CACNA2D2: variants seen among roughly 807,000 people sequenced by gnomAD.
CACNA2D2 encodes the protein voltage-dependent calcium channel subunit alpha-2/delta-2.
Under a neutral mutation model 166.4 loss-of-function variants are expected in CACNA2D2, and 48 were observed. That is an observed-to-expected ratio of 0.29 (90% CI 0.23 to 0.37). CACNA2D2 has a LOEUF of 0.37. Ranked by LOEUF, CACNA2D2 falls within the 10% of genes least tolerant of loss-of-function variation. The pLI is 1.00. For synonymous variants in CACNA2D2, 561 were observed against 573.7 expected (o/e 0.98, Z 0.32); for missense variants, 1,122 against 1,433.0 (o/e 0.78, Z 3.50).
chr3:50,493,390 C>T (rs996820813), intron 1 of CACNA2D2, among the ~76,000 whole-genome samples: 19 of 152,236 alleles, frequency 1.2e-4, no homozygotes, highest in African/African-American at 3.1e-4. Flanking sequence ...GCAAGGTTTC[C>T]TCCCCTCTTA....
Position 50,375,878 on chromosome 3 carries a change from G to A in CACNA2D2, c.1776C>T (p.Ile592=). The A allele has an allele frequency of 6.2e-7, 1 of 1,612,922 alleles. No homozygotes were observed. Among genetic ancestry groups the A allele is most frequent in the Non-Finnish European group, 8.5e-7 (1 of 1,179,952 alleles). ...AELEDENKEE[I]RRSMIDGNKG... ...TGTTGCCATCAATCATGCTCCGACGGATCTGGAAGGGCCAGAGATGTGAGG... is the reference window on the plus strand; with the variant it reads ...TGTTGCCATCAATCATGCTCCGACGAATCTGGAAGGGCCAGAGATGTGAGG... Residue 592 remains isoleucine (I), a splice_region_variant and synonymous_variant, in exon 20 of 38, where the codon ATC becomes ATT. Transcript: ENST00000424201. This position sits in a 1 kb window ranked among gnomAD's most constrained non-coding sequence, Gnocchi z 4.0.
Position 50,421,942 on chromosome 3 carries a change from T to C in CACNA2D2, c.405+12371A>G, listed in dbSNP as rs1249944338. ...TGTCGGCAGACATCTGAGGAAGGAA[T>C]ACGAGAGGCAGGCAGGAGGCACTGC... On this transcript the variant is annotated intron_variant, in intron 3 of 37. Transcript: ENST00000424201. Among the ~76,000 whole-genome samples the C allele has an allele frequency of 1.3e-3, 202 of 152,102 alleles. 3 individuals are homozygous for C. The highest frequency in any genetic ancestry group is 1.8e-4 in the Non-Finnish European group (12 of 67,964).
intron 3 of CACNA2D2, among the ~76,000 whole-genome samples, chr3:50,404,262 G>A (rs760950810): frequency 1.1e-4 from 16 of 152,164 alleles, no homozygotes; most frequent in Non-Finnish European, 1.8e-4. Context: ...TGTTCTCCAC[G>A]AAGAGGCATG....
chr3:50,391,677 G>T (rs1324735644), intron 4 of CACNA2D2, among the ~76,000 whole-genome samples: 1 of 152,246 alleles, frequency 6.6e-6, no homozygotes, highest in Non-Finnish European at 1.5e-5. Flanking sequence ...GCTGAGGTCA[G>T]TGGAGTTGTG....
At chr3:50,392,130 T>C (rs1705919198) in intron 4 of CACNA2D2, among the ~76,000 whole-genome samples, 1 of 152,076 alleles carries the variant, frequency 6.6e-6, no homozygotes, top group Admixed American at 6.5e-5. Context: ...TGAAGGTCAT[T>C]GGAAGGATGT....
intron 23 of CACNA2D2, among the ~76,000 whole-genome samples, chr3:50,369,582 C>T (rs1704540898): frequency 6.6e-6 from 1 of 152,226 alleles, no homozygotes; most frequent in South Asian, 2.1e-4. Context: ...TTCCAGTGCC[C>T]CTGGGTCTCT....
intron 13 of CACNA2D2, 138 bp downstream of exon 13, chr3:50,378,777 G>T: frequency 4.0e-6 from 4 of 997,482 alleles, no homozygotes; most frequent in Non-Finnish European, 4.6e-6. Context: ...GTGAGGGACA[G>T]CCTCGTGGAT....
At chr3:50,465,548 A>G (rs1709794046) in intron 2 of CACNA2D2, among the ~76,000 whole-genome samples, 1 of 152,196 alleles carries the variant, frequency 6.6e-6, no homozygotes, top group Admixed American at 6.5e-5. Context: ...AGATCCCATC[A>G]GTGTCCCAGG....
chr3:50,431,259 T>A (rs779910619), intron 3 of CACNA2D2, among the ~76,000 whole-genome samples: 12 of 151,808 alleles, frequency 7.9e-5, no homozygotes, highest in Non-Finnish European at 1.6e-4. Context: ...AAAAGCACAT[T>A]TAAAACATAA....
intron 3 of CACNA2D2, among the ~76,000 whole-genome samples, chr3:50,422,584 T>C (rs948415582): frequency 6.6e-6 from 1 of 152,170 alleles, no homozygotes; most frequent in Non-Finnish European, 1.5e-5. Context: ...CTTCTTTCAA[T>C]AGCGATAGCC....
At chr3:50,481,863 T>C (rs1474755791) in intron 1 of CACNA2D2, among the ~76,000 whole-genome samples, 1 of 152,052 alleles carries the variant, frequency 6.6e-6, no homozygotes, top group African/African-American at 2.4e-5. Context: ...GGGTGTGGTA[T>C]CGTACACCTG....
At chr3:50,385,236 C>T (rs144064577) in intron 5 of CACNA2D2, among the ~76,000 whole-genome samples, 85 of 152,182 alleles carry the variant, frequency 5.6e-4, no homozygotes, top group African/African-American at 2.0e-3. Context: ...AGGAAAAAGC[C>T]AGACTGGGGA....
At chr3:50,448,547 C>T (rs1183505152) in intron 2 of CACNA2D2, among the ~76,000 whole-genome samples, 2 of 152,096 alleles carry the variant, frequency 1.3e-5, no homozygotes, top group East Asian at 3.9e-4. Flanking sequence ...GCCTGTGTGT[C>T]GATGCACATA....
At chr3:50,491,481 T>C (rs1698518529) in intron 1 of CACNA2D2, among the ~76,000 whole-genome samples, 1 of 152,190 alleles carries the variant, frequency 6.6e-6, no homozygotes, top group African/African-American at 2.4e-5. Flanking sequence ...TTAAACATGC[T>C]GCCTCCCTCC....
chr3:50,491,576 G>A (rs1432932921), intron 1 of CACNA2D2, among the ~76,000 whole-genome samples: 1 of 152,214 alleles, frequency 6.6e-6, no homozygotes, highest in Non-Finnish European at 1.5e-5. Context: ...GGAGAGTGAA[G>A]GATGGAGAGG....
chr3:50,404,567 A>T (rs1461589982), intron 3 of CACNA2D2, among the ~76,000 whole-genome samples: 1 of 152,114 alleles, frequency 6.6e-6, no homozygotes, highest in East Asian at 1.9e-4. Flanking sequence ...ATCCTCCTCC[A>T]AGAAGCCTTC....
In CACNA2D2 at chr3:50,364,909, G is replaced by A. The variant is rs587605969; in HGVS notation, c.3270C>T (p.Ile1090=). The part of the protein sequence containing the change: ...QRPRYRRGPH[I]CFDYNATEDT... ...TCACTGTCGCGTTGTAGTCGAAGCA[G>A]ATGTGCGGGCCTCTCCGGTATCGCG... Residue 1090 remains isoleucine, a synonymous_variant, in exon 37 of 38, where the codon ATC becomes ATT. Transcript: ENST00000424201. The A allele has an allele frequency of 4.3e-6, 7 of 1,613,438 alleles. No homozygotes were observed. In the South Asian group the frequency reaches 5.5e-5, roughly 13 times the overall value.
At chr3:50,403,750 C>T (rs1706558082) in intron 3 of CACNA2D2, among the ~76,000 whole-genome samples, 1 of 152,214 alleles carries the variant, frequency 6.6e-6, no homozygotes, top group Admixed American at 6.5e-5. Flanking sequence ...GCCTTCCTGC[C>T]ATGCTGCGGT....
At chr3:50,405,472 G>A (rs1706662363) in intron 3 of CACNA2D2, among the ~76,000 whole-genome samples, 2 of 152,190 alleles carry the variant, frequency 1.3e-5, no homozygotes. Flanking sequence ...AGGAGCGTCA[G>A]GGCTGGGTTT....
Sources: gnomAD v4.1 joint callset for allele counts (sites outside exome capture counted in the v4.1 genomes callset) on GRCh38, gnomAD v4.1.1 for gene constraint, Gnocchi (gnomAD v3.1) non-coding constraint, MANE v1.5 for transcripts, NCBI Gene and HGNC (gene_info 2026-07-23, HGNC 2026-07-21) for gene names.